WWOX: variants seen among roughly 807,000 people sequenced by gnomAD.
WWOX encodes WW domain-containing oxidoreductase.
Under a neutral mutation model 46.2 loss-of-function variants are expected in WWOX, and 69 were observed. That is an observed-to-expected ratio of 1.49 (90% CI 1.23 to 1.82). The LOEUF (loss-of-function observed/expected upper bound fraction) is 1.82, where lower values mean the gene tolerates loss of function less well. WWOX is among the 40% of genes most tolerant of loss of function. The pLI is 0.00. For synonymous variants in WWOX, 359 were observed against 202.6 expected, an observed-to-expected ratio of 1.77 and a Z score of -6.56; for missense variants, 919 against 542.6, an observed-to-expected ratio of 1.69 and a Z score of -6.89.
chr16:78,635,083 TG>T (rs2046536021), intron 8 of WWOX, among the ~76,000 whole-genome samples: 2 of 152,174 alleles, frequency 1.3e-5, no homozygotes, highest in African/African-American at 4.8e-5. Flanking sequence ...TAGGAAACCT[TG>T]CCCAATGTGA....
chr16:78,611,257 A>G (rs571724274), intron 8 of WWOX, among the ~76,000 whole-genome samples: 1 of 152,270 alleles, frequency 6.6e-6, no homozygotes, highest in Non-Finnish European at 1.5e-5. Flanking sequence ...TCTCCTTCTC[A>G]TATGTTTAGG....
At chr16:78,878,250 C>T (rs182030038) in intron 8 of WWOX, among the ~76,000 whole-genome samples, 1 of 152,158 alleles carries the variant, frequency 6.6e-6, no homozygotes, top group Non-Finnish European at 1.5e-5. Flanking sequence ...GGGCAGATGA[C>T]TGAGCTTGTC....
chr16:78,744,710 G>A (rs1445345785), intron 8 of WWOX, among the ~76,000 whole-genome samples: 1 of 152,094 alleles, frequency 6.6e-6, no homozygotes, highest in Admixed American at 6.6e-5. Context: ...GGGATTACAG[G>A]CGTGAGCCAC....
chr16:78,486,259 T>C (rs2254564), intron 8 of WWOX, among the ~76,000 whole-genome samples: 45,407 of 152,076 alleles, frequency 0.3, 9,339 homozygotes, highest in African/African-American at 0.59. Flanking sequence ...GAAAGAGATG[T>C]GTAGTCCCAT....
chr16:78,162,540 A>T (rs963122541), intron 4 of WWOX, among the ~76,000 whole-genome samples: 6 of 152,228 alleles, frequency 3.9e-5, no homozygotes, highest in Non-Finnish European at 7.4e-5. Context: ...ACACACACAC[A>T]TACATGTAGA....
At chr16:78,973,043 C>G (rs1221691907) in intron 8 of WWOX, among the ~76,000 whole-genome samples, 1 of 152,204 alleles carries the variant, frequency 6.6e-6, no homozygotes, top group Non-Finnish European at 1.5e-5. Flanking sequence ...TGGGACTCAG[C>G]TGTTGTTTCC....
intron 8 of WWOX, among the ~76,000 whole-genome samples, chr16:78,830,177 AGAAAG>A (rs1489342643): frequency 6.6e-6 from 1 of 152,230 alleles, no homozygotes; most frequent in Non-Finnish European, 1.5e-5. Flanking sequence ...CAATGAAAGA[AGAAAG>A]AAAAGGAGGG....
At chr16:78,899,504 A>T (rs2044775729) in intron 8 of WWOX, 1 of 152,162 alleles carries the variant, frequency 6.6e-6, no homozygotes, top group Non-Finnish European at 1.5e-5. Flanking sequence ...TTCTCCATAA[A>T]TGTTAGTTAT....
chr16:78,250,805 A>T (rs1216332416), intron 5 of WWOX, among the ~76,000 whole-genome samples: 1 of 152,060 alleles, frequency 6.6e-6, no homozygotes, highest in Non-Finnish European at 1.5e-5. Context: ...GGAAAACCAT[A>T]ACCACCTGCA....
At chr16:78,478,308 C>G (rs2084402353) in intron 8 of WWOX, among the ~76,000 whole-genome samples, 1 of 152,150 alleles carries the variant, frequency 6.6e-6, no homozygotes, top group Non-Finnish European at 1.5e-5. Flanking sequence ...GTGTATCCAT[C>G]TTCTCAGACG....
intron 8 of WWOX, among the ~76,000 whole-genome samples, chr16:78,577,823 C>G (rs977323030): frequency 2.0e-5 from 3 of 152,114 alleles, no homozygotes; most frequent in African/African-American, 7.2e-5. Flanking sequence ...CAGTTTAGCA[C>G]ATGTACAGAT....
At chr16:78,535,302 G>C (rs76475785) in intron 8 of WWOX, 7,379 of 152,286 alleles carry the variant, frequency 0.048, 197 homozygotes, top group East Asian at 0.15. Context: ...CTCTGGAAAC[G>C]CCCTCTGTCT....
chr16:78,883,282 G>A (rs1265048697), intron 8 of WWOX, among the ~76,000 whole-genome samples: 5 of 143,718 alleles, frequency 3.5e-5, no homozygotes, highest in Admixed American at 3.4e-4. Context: ...TCTCTCATCA[G>A]TAACGCAGTA....
At chr16:79,040,423 A>C (rs1314113383) in intron 8 of WWOX, among the ~76,000 whole-genome samples, 2 of 151,884 alleles carry the variant, frequency 1.3e-5, no homozygotes. Context: ...CACAGGATGC[A>C]CCACCATGGC....
chr16:78,886,314 A>G (rs1394654689), intron 8 of WWOX, among the ~76,000 whole-genome samples: 2 of 150,004 alleles, frequency 1.3e-5, no homozygotes, highest in African/African-American at 4.9e-5. Flanking sequence ...TTTTTGCCTC[A>G]TGAATCTCTG....
In WWOX at chr16:79,125,595, C is replaced by A. The variant is rs191379320; in HGVS notation, c.1057-86013C>A. Among the ~76,000 whole-genome samples, 83 of 151,972 alleles carry A rather than the reference C, an allele frequency of 5.5e-4. 1 individual carries two copies. Among genetic ancestry groups the A allele is most frequent in the African/African-American group, 2.0e-3 (82 of 41,434 alleles). Reference sequence around the variant, plus strand: ...TCCGTGTGGCAAATGTAGCTGGACCCTTGGGATGAAGACCCTTCCTGCATC... The same window carrying A: ...TCCGTGTGGCAAATGTAGCTGGACCATTGGGATGAAGACCCTTCCTGCATC... On this transcript the variant is annotated intron_variant, in intron 8 of 8. Transcript: ENST00000566780.
chr16:78,880,345 C>T (rs988453915), intron 8 of WWOX, among the ~76,000 whole-genome samples: 1 of 152,196 alleles, frequency 6.6e-6, no homozygotes, highest in African/African-American at 2.4e-5. Context: ...AGACTGTCAC[C>T]TGCTTTTAGC....
Position 79,039,294 on chromosome 16 carries a change from G to C in WWOX, c.1057-172314G>C, listed in dbSNP as rs113857487. Among the ~76,000 whole-genome samples the C allele has an allele frequency of 3.1e-4, 47 of 152,146 alleles. 1 individual carries two copies. Among genetic ancestry groups the C allele is most frequent in the African/African-American group, 1.1e-3 (47 of 41,512 alleles). ...AAGCCATTAACCTCTCTGCGCCCTT[G>C]GATTGCCTCCTCTCCTGCCAGCAGA... On this transcript the variant is annotated intron_variant, in intron 8 of 8. Transcript: ENST00000566780.
chr16:78,576,165 A>G (rs761081596), intron 8 of WWOX, among the ~76,000 whole-genome samples: 5 of 152,192 alleles, frequency 3.3e-5, no homozygotes, highest in Admixed American at 2.6e-4. Context: ...AAACTTCAAT[A>G]TGCTATGCAT....
Sources: allele counts gnomAD v4.1 joint callset (sites outside exome capture counted in the v4.1 genomes callset), GRCh38; gene constraint gnomAD v4.1.1; transcripts MANE v1.5; gene names NCBI Gene and HGNC (gene_info 2026-07-23, HGNC 2026-07-21).